Variants in UNC5C observed in about 807,000 individuals in gnomAD.
UNC5C encodes unc-5 netrin receptor C.
A neutral mutation model predicts 99.8 loss-of-function variants in UNC5C; 47 were observed. The ratio of observed to expected loss-of-function variants is 0.47; its 90% CI spans 0.37 to 0.60. The LOEUF (loss-of-function observed/expected upper bound fraction) is 0.60, where lower values mean the gene tolerates loss of function less well. Among genes scored for constraint, UNC5C ranks in the 20% least tolerant of loss-of-function variants. The probability of loss-of-function intolerance (pLI) is 0.00; values close to 1 mark genes in which losing one functional copy is unlikely to be tolerated. For missense variants in UNC5C, 1,062 were observed against 1,165.9 expected, an observed-to-expected ratio of 0.91 and a Z score of 1.30; for synonymous variants, 487 against 452.2, an observed-to-expected ratio of 1.08 and a Z score of -0.98.
intron 1 of UNC5C, among the ~76,000 whole-genome samples, chr4:95,391,436 G>C (rs1343995942): frequency 2.0e-5 from 3 of 152,004 alleles, no homozygotes; most frequent in African/African-American, 7.2e-5. Context: ...TCATTTTTCA[G>C]TATATTATAC....
chr4:95,314,059 C>T (rs561567994), intron 2 of UNC5C, among the ~76,000 whole-genome samples: 40 of 152,260 alleles, frequency 2.6e-4, no homozygotes, highest in African/African-American at 9.4e-4. Flanking sequence ...TGTACTGCAT[C>T]ATAATTATCT....
intron 1 of UNC5C, among the ~76,000 whole-genome samples, chr4:95,386,689 T>A (rs6532555): frequency 6.6e-6 from 1 of 152,052 alleles, no homozygotes; most frequent in Non-Finnish European, 1.5e-5. Flanking sequence ...TGCTAGTCTC[T>A]CTCAGGGGCA....
intron 12 of UNC5C, among the ~76,000 whole-genome samples, chr4:95,185,985 A>G (rs916613351): frequency 2.0e-5 from 3 of 152,106 alleles, no homozygotes; most frequent in Non-Finnish European, 4.4e-5. Context: ...GATACAACAT[A>G]AAGACAGATT....
chr4:95,491,049 G>A (rs1344711386), intron 1 of UNC5C, among the ~76,000 whole-genome samples: 4 of 151,462 alleles, frequency 2.6e-5, no homozygotes, highest in Admixed American at 2.6e-4. Flanking sequence ...ACAAATCAAT[G>A]GGAAGGTGGT....
intron 2 of UNC5C, among the ~76,000 whole-genome samples, chr4:95,309,169 T>C (rs1200381296): frequency 6.6e-6 from 1 of 152,076 alleles, no homozygotes; most frequent in Non-Finnish European, 1.5e-5. Flanking sequence ...ATGCCAAGAA[T>C]ACACAATGGG....
At position 95,539,752 on chromosome 4, in the gene UNC5C, G is replaced by A. The variant is rs960683803; in HGVS notation, c.124+8982C>T. Among the ~76,000 whole-genome samples the A allele has an allele frequency of 4.0e-5, 6 of 151,784 alleles. No homozygotes were observed. In the South Asian group the frequency reaches 1.0e-3, roughly 26 times the overall value. On this transcript the variant is annotated intron_variant, in intron 1 of 15. Coordinates refer to ENST00000453304, the MANE Select transcript of UNC5C (RefSeq NM_003728.4). The stretch of plus-strand genomic sequence containing the variant: ...GTCATTCTTCATTTCGTTAAGAATC[G>A]GCCTGGAAACACCCTCCCAGGAAAT...
At chr4:95,315,840 T>C (rs986525550) in intron 2 of UNC5C, among the ~76,000 whole-genome samples, 1 of 152,162 alleles carries the variant, frequency 6.6e-6, no homozygotes, top group Non-Finnish European at 1.5e-5. Context: ...AAACTGAGTT[T>C]CAGCATAAAA....
chr4:95,174,575 A>C (rs1188534005), intron 14 of UNC5C, among the ~76,000 whole-genome samples: 1 of 151,948 alleles, frequency 6.6e-6, no homozygotes, highest in Non-Finnish European at 1.5e-5. Context: ...CTTAATCCTG[A>C]GTTCTAGTTT....
At chr4:95,278,945 G>T (rs548550792) in intron 3 of UNC5C, among the ~76,000 whole-genome samples, 1 of 152,194 alleles carries the variant, frequency 6.6e-6, no homozygotes, top group African/African-American at 2.4e-5. Flanking sequence ...TTCATTAATT[G>T]CTTTTTGTTA....
At chr4:95,449,596 C>T (rs1224247526) in intron 1 of UNC5C, among the ~76,000 whole-genome samples, 1 of 152,064 alleles carries the variant, frequency 6.6e-6, no homozygotes, top group Non-Finnish European at 1.5e-5. Context: ...ATGAGGAAAA[C>T]ATAAAGACAT....
chr4:95,236,510 G>A (rs941779381), intron 7 of UNC5C, among the ~76,000 whole-genome samples: 6 of 151,692 alleles, frequency 4.0e-5, no homozygotes, highest in East Asian at 1.9e-4. Flanking sequence ...TGCAGCACAC[G>A]AACGTGGCAC....
At chr4:95,439,652 A>G (rs189444973) in intron 1 of UNC5C, among the ~76,000 whole-genome samples, 4 of 152,286 alleles carry the variant, frequency 2.6e-5, no homozygotes, top group East Asian at 1.9e-4. Flanking sequence ...CCCAAAGTGC[A>G]TTCTAGAAGC....
At chr4:95,484,572 A>G (rs1284331716) in intron 1 of UNC5C, among the ~76,000 whole-genome samples, 1 of 151,836 alleles carries the variant, frequency 6.6e-6, no homozygotes, top group Non-Finnish European at 1.5e-5. Flanking sequence ...TGCTGCTTCA[A>G]CTGGTGACCT....
intron 4 of UNC5C, among the ~76,000 whole-genome samples, chr4:95,255,407 G>T (rs1226742753): frequency 6.6e-6 from 1 of 152,040 alleles, no homozygotes; most frequent in Non-Finnish European, 1.5e-5. Flanking sequence ...TGTTTTCATT[G>T]TTCACTTTCT....
intron 1 of UNC5C, among the ~76,000 whole-genome samples, chr4:95,516,501 G>A (rs577956026): frequency 6.6e-6 from 1 of 152,270 alleles, no homozygotes; most frequent in African/African-American, 2.4e-5. Context: ...AGATTACAAA[G>A]ACCAAATTCC....
rs1553975792 is a variant in UNC5C, at chr4:95,461,304, G to GCTGATTAATAGAATTAACTGTT, written c.124+87429_124+87430insAACAGTTAATTCTATTAATCAG. 5.3e-4 allele frequency among the ~76,000 whole-genome samples: 52 copies of GCTGATTAATAGAATTAACTGTT among 97,976 alleles called. 3 individuals carry two copies. The highest frequency in any genetic ancestry group is 2.0e-3 in the East Asian group (4 of 1,990). 64.3% of individuals were successfully genotyped at this position (97,976 alleles called of 152,430 possible). A position where few individuals can be genotyped will look rare whatever the true frequency, so the allele number is the denominator to read the frequency against. The stretch of plus-strand genomic sequence containing the variant: ...ATGTGATACAGTCCTTTTCCAACAT[G>GCTGATTAATAGAATTAACTGTT]AAGCACAAGGCAAGAGCAAGTTGAA... On this transcript the variant is annotated intron_variant, in intron 1 of 15. Coordinates refer to ENST00000453304, the MANE Select transcript of UNC5C (RefSeq NM_003728.4).
At chr4:95,237,810 C>T (rs576696633) in intron 7 of UNC5C, among the ~76,000 whole-genome samples, 112 of 152,102 alleles carry the variant, frequency 7.4e-4, no homozygotes, top group African/African-American at 2.5e-3. Flanking sequence ...TTTGGGAAGC[C>T]GACGCGGCAG....
intron 12 of UNC5C, among the ~76,000 whole-genome samples, chr4:95,194,931 A>G (rs1333579721): frequency 6.6e-6 from 1 of 152,238 alleles, no homozygotes; most frequent in Non-Finnish European, 1.5e-5. Flanking sequence ...ACCCAGGGCC[A>G]GATTTCATCA....
At chr4:95,407,994 A>G (rs1424484260) in intron 1 of UNC5C, among the ~76,000 whole-genome samples, 1 of 152,216 alleles carries the variant, frequency 6.6e-6, no homozygotes, top group Non-Finnish European at 1.5e-5. Flanking sequence ...GTTGCTCAGC[A>G]GTTAGTAAGG....
Sources: gnomAD v4.1 joint callset for allele counts (sites outside exome capture counted in the v4.1 genomes callset) on GRCh38, gnomAD v4.1.1 for gene constraint, MANE v1.5 for transcripts, NCBI Gene and HGNC (gene_info 2026-07-23, HGNC 2026-07-21) for gene names.